SLC14A2: variants seen among roughly 807,000 people sequenced by gnomAD.
The protein encoded by SLC14A2 is solute carrier family 14 member 2.
In SLC14A2, 91 loss-of-function variants were observed where a neutral mutation model predicts 104.6. That is an observed-to-expected ratio of 0.87 (90% CI 0.73 to 1.04). SLC14A2 has a LOEUF of 1.04. Among genes scored for constraint, SLC14A2 ranks in the 50% least tolerant of loss-of-function variants. SLC14A2 has a pLI of 0.00. For missense variants in SLC14A2, 1,189 were observed against 1,156.0 expected (o/e 1.03, Z -0.41); for synonymous variants, 476 against 466.4 (o/e 1.02, Z -0.27).
intron 2 of SLC14A2, among the ~76,000 whole-genome samples, chr18:45,541,502 G>C (rs1380580772): frequency 1.3e-5 from 2 of 152,246 alleles, no homozygotes; most frequent in Non-Finnish European, 2.9e-5. Context: ...ACCTGTGTCT[G>C]TGGAACTGAG....
chr18:45,667,421 C>T (rs936469082), intron 13 of SLC14A2, among the ~76,000 whole-genome samples: 8 of 152,286 alleles, frequency 5.3e-5, no homozygotes, highest in Non-Finnish European at 1.2e-4. Flanking sequence ...TCTAGAAAAA[C>T]GCCATCTGGA....
chr18:45,457,822 G>C (rs1030253539), intron 1 of SLC14A2, among the ~76,000 whole-genome samples: 11 of 152,116 alleles, frequency 7.2e-5, no homozygotes, highest in African/African-American at 2.7e-4. Flanking sequence ...TTGTGCGTCT[G>C]TCTAAACCAT....
chr18:45,285,668 C>A (rs895284953), intron 1 of SLC14A2, among the ~76,000 whole-genome samples: 27 of 96,318 alleles, frequency 2.8e-4, no homozygotes, highest in Middle Eastern at 5.7e-3. Context: ...TCTGCCCCCC[C>A]CCCCCCTCGG....
At chr18:45,541,844 G>A (rs184509372) in intron 2 of SLC14A2, among the ~76,000 whole-genome samples, 1 of 152,110 alleles carries the variant, frequency 6.6e-6, no homozygotes, top group African/African-American at 2.4e-5. Flanking sequence ...AGATGGGCAG[G>A]TGTCAAGGAC....
At chr18:45,310,164 C>T (rs144222866) in intron 1 of SLC14A2, among the ~76,000 whole-genome samples, 1,948 of 152,272 alleles carry the variant, frequency 0.013, 43 homozygotes, top group African/African-American at 0.045. Context: ...GATGCTTCAA[C>T]GAACATTGTA....
intron 1 of SLC14A2, among the ~76,000 whole-genome samples, chr18:45,297,592 T>C (rs1273743040): frequency 6.6e-6 from 1 of 152,198 alleles, no homozygotes; most frequent in Non-Finnish European, 1.5e-5. Context: ...TGGGTCTCAA[T>C]TGCTTAATCT....
At chr18:45,573,059 A>AGAGT (rs1168032923) in intron 2 of SLC14A2, among the ~76,000 whole-genome samples, 2 of 152,258 alleles carry the variant, frequency 1.3e-5, no homozygotes, top group Non-Finnish European at 2.9e-5. Flanking sequence ...ACCAAGACTC[A>AGAGT]GAGTGAGTCA....
chr18:45,520,087 T>C (rs2043496583), intron 2 of SLC14A2, among the ~76,000 whole-genome samples: 1 of 152,184 alleles, frequency 6.6e-6, no homozygotes, highest in Non-Finnish European at 1.5e-5. Flanking sequence ...TTGAAGTACG[T>C]AGAGGGTGGA....
At chr18:45,390,856 T>C (rs948942196) in intron 1 of SLC14A2, among the ~76,000 whole-genome samples, 3 of 152,222 alleles carry the variant, frequency 2.0e-5, no homozygotes, top group African/African-American at 7.2e-5. Flanking sequence ...AATTATTTCT[T>C]TTTAAGTTGC....
intron 1 of SLC14A2, among the ~76,000 whole-genome samples, chr18:45,373,049 A>ACTGTTCTGT (rs1422346233): frequency 1.3e-5 from 2 of 152,094 alleles, no homozygotes; most frequent in South Asian, 4.2e-4. Context: ...ACAGCTCTAG[A>ACTGTTCTGT]CTACACTTCT....
At chr18:45,559,684 C>T (rs575213225) in intron 2 of SLC14A2, among the ~76,000 whole-genome samples, 1 of 152,336 alleles carries the variant, frequency 6.6e-6, no homozygotes, top group South Asian at 2.1e-4. Flanking sequence ...CTCTAATCAC[C>T]TTCATTGTTG....
chr18:45,444,815 G>T (rs887400577), intron 1 of SLC14A2, among the ~76,000 whole-genome samples: 4 of 152,104 alleles, frequency 2.6e-5, no homozygotes, highest in Non-Finnish European at 5.9e-5. Flanking sequence ...CTCTCAGGGA[G>T]CCTATGAGAG....
chr18:45,554,091 TCA>T (rs2044093617), intron 2 of SLC14A2, among the ~76,000 whole-genome samples: 1 of 152,218 alleles, frequency 6.6e-6, no homozygotes, highest in Non-Finnish European at 1.5e-5. Flanking sequence ...ATGCCCCACT[TCA>T]CAGAGGTGCA....
chr18:45,603,561 T>C (rs1304382167), intron 2 of SLC14A2, among the ~76,000 whole-genome samples: 1 of 152,182 alleles, frequency 6.6e-6, no homozygotes, highest in Non-Finnish European at 1.5e-5. Flanking sequence ...AATCAGGGTA[T>C]TTCTTCGTCA....
chr18:45,348,200 A>G (rs2144299615), intron 1 of SLC14A2, among the ~76,000 whole-genome samples: 1 of 152,398 alleles, frequency 6.6e-6, no homozygotes, highest in South Asian at 2.1e-4. Context: ...CAGAGCGGGT[A>G]GTACGACTTC....
chr18:45,185,899 T>C, the SLC14A2 span, among the ~76,000 whole-genome samples: 3 of 152,094 alleles, frequency 2.0e-5, no homozygotes, highest in South Asian at 4.1e-4. Flanking sequence ...TCAAAATATA[T>C]AAAACAGGCT....
chr18:45,531,666 T>G (rs1162979578), intron 2 of SLC14A2, among the ~76,000 whole-genome samples: 1 of 152,240 alleles, frequency 6.6e-6, no homozygotes, highest in Non-Finnish European at 1.5e-5. Context: ...TTCACTCTGA[T>G]GGTGGTTTCT....
chr18:45,649,552 C>T (rs1460136683), intron 10 of SLC14A2, among the ~76,000 whole-genome samples: 5 of 152,210 alleles, frequency 3.3e-5, no homozygotes, highest in African/African-American at 1.2e-4. Flanking sequence ...ACACTTTCCT[C>T]TCTTCTTCTT....
At chr18:45,503,352 T>C (rs1568246118) in intron 2 of SLC14A2, among the ~76,000 whole-genome samples, 1 of 152,078 alleles carries the variant, frequency 6.6e-6, no homozygotes, top group Non-Finnish European at 1.5e-5. Context: ...CAAAATGGGG[T>C]CATCCCATGC....
Sources: gnomAD v4.1 joint callset for allele counts (sites outside exome capture counted in the v4.1 genomes callset) on GRCh38, gnomAD v4.1.1 for gene constraint, MANE v1.5 for transcripts, NCBI Gene and HGNC (gene_info 2026-07-23, HGNC 2026-07-21) for gene names.